The following TLE1 variants were observed in gnomAD, a reference collection of about 807,000 sequenced individuals.
TLE1 encodes the protein transducin-like enhancer protein 1.
In TLE1, 21 loss-of-function variants were observed where a neutral mutation model predicts 89.8. That is an observed-to-expected ratio of 0.23 (90% CI 0.17 to 0.34). The LOEUF (loss-of-function observed/expected upper bound fraction) is 0.34. Among genes scored for constraint, TLE1 ranks in the 10% least tolerant of loss-of-function variants. The pLI is 1.00. For missense variants in TLE1, 795 were observed against 1,031.2 expected, an observed-to-expected ratio of 0.77 and a Z score of 3.14; for synonymous variants, 447 against 407.6, an observed-to-expected ratio of 1.10 and a Z score of -1.16.
chr9:81,600,092 A>C, intron 14 of TLE1: 1 of 745,100 alleles, frequency 1.3e-6, no homozygotes, highest in Non-Finnish European at 2.5e-6. Context: ...AAACTTCTCA[A>C]TGTGCTGGGG....
At chr9:81,657,307 C>A (rs1341068749) in intron 4 of TLE1, among the ~76,000 whole-genome samples, 1 of 152,102 alleles carries the variant, frequency 6.6e-6, no homozygotes. Context: ...TTTATGTGGT[C>A]AAATGAAAGC....
intron 6 of TLE1, among the ~76,000 whole-genome samples, chr9:81,634,630 G>A (rs1014149069): frequency 1.4e-4 from 21 of 152,130 alleles, no homozygotes; most frequent in African/African-American, 5.1e-4. Flanking sequence ...AAGCAAGGCT[G>A]GCTACATCAG....
intron 14 of TLE1, 78 bp from the exon 15 acceptor site, chr9:81,593,352 G>A (rs760346780): frequency 7.6e-6 from 11 of 1,455,174 alleles, no homozygotes; most frequent in East Asian, 2.5e-5. Flanking sequence ...AATGTGCTAC[G>A]ACTATGAAAA....
At chr9:81,628,433 C>T (rs891019715) in intron 8 of TLE1, among the ~76,000 whole-genome samples, 19 of 151,640 alleles carry the variant, frequency 1.3e-4, no homozygotes, top group African/African-American at 4.4e-4. Context: ...CGTGATTTTT[C>T]TTTTTTTTTC....
chr9:81,661,650 T>C (rs751061736), intron 4 of TLE1, among the ~76,000 whole-genome samples: 12 of 151,986 alleles, frequency 7.9e-5, no homozygotes, highest in African/African-American at 1.5e-4. Context: ...TGGCAACAGA[T>C]ACATGGGCAA....
intron 4 of TLE1, among the ~76,000 whole-genome samples, chr9:81,661,398 T>C (rs765152012): frequency 6.6e-5 from 10 of 151,956 alleles, no homozygotes; most frequent in Non-Finnish European, 1.5e-4. Context: ...TGAGTGCTGT[T>C]TGAAGCTCAA....
chr9:81,660,482 C>T (rs1039461911), intron 4 of TLE1, among the ~76,000 whole-genome samples: 3 of 151,836 alleles, frequency 2.0e-5, no homozygotes, highest in South Asian at 2.1e-4. Context: ...GGCGCGATCT[C>T]GGCTCACTGC....
At chr9:81,648,361 G>A (rs1158538631) in intron 6 of TLE1, among the ~76,000 whole-genome samples, 1 of 151,424 alleles carries the variant, frequency 6.6e-6, no homozygotes. Context: ...TTCTTTAGGA[G>A]AAGGGGAAAA....
intron 1 of TLE1, 38 bp from the exon 2 acceptor site, chr9:81,687,472 T>C (rs756574404): frequency 2.0e-6 from 3 of 1,503,926 alleles, no homozygotes; most frequent in Non-Finnish European, 2.7e-6. Flanking sequence ...GGGACGGGAA[T>C]GCGGGCGGAT....
intron 14 of TLE1, among the ~76,000 whole-genome samples, chr9:81,595,138 T>C (rs1830018347): frequency 1.3e-5 from 2 of 152,122 alleles, no homozygotes; most frequent in African/African-American, 4.8e-5. Context: ...ATAAAAACAA[T>C]ATAGCTCAAA....
intron 9 of TLE1, 75 bp downstream of exon 9, chr9:81,620,366 G>C: frequency 8.9e-7 from 1 of 1,128,734 alleles, no homozygotes. Flanking sequence ...TTATCACTAA[G>C]ATCTTAGAAT....
chr9:81,652,502 C>A lies in TLE1; in HGVS notation c.298-214G>T, dbSNP rs146511815. Among the ~76,000 whole-genome samples the A allele has an allele frequency of 4.6e-5, 7 of 152,202 alleles. No homozygotes were observed. The South Asian group carries it at 1.5e-3, about 32-fold the overall frequency. On this transcript the variant is annotated intron_variant, in intron 5 of 19. Coordinates refer to ENST00000376499, the MANE Select transcript of TLE1 (RefSeq NM_005077.5). ...CTTTATTTCTAAACAACACCAGTCA[C>A]TACTTCTGGCTGTAAATTTCGGCTT...
intron 2 of TLE1, among the ~76,000 whole-genome samples, chr9:81,686,314 ATC>A (rs1181670155): frequency 6.6e-6 from 1 of 152,164 alleles, no homozygotes; most frequent in Non-Finnish European, 1.5e-5. Context: ...TGAAAATCCT[ATC>A]TGTTAAGTTA....
chr9:81,614,203 A>C (rs1016511970), intron 11 of TLE1, among the ~76,000 whole-genome samples: 9 of 151,978 alleles, frequency 5.9e-5, no homozygotes, highest in Non-Finnish European at 1.2e-4. Context: ...CCACCGCGCC[A>C]GGCCAGAAGA....
At chr9:81,677,564 C>CAAA (rs60091510) in intron 4 of TLE1, among the ~76,000 whole-genome samples, 6 of 85,538 alleles carry the variant, frequency 7.0e-5, no homozygotes, top group Admixed American at 2.7e-4. Flanking sequence ...GACTCCATCT[C>CAAA]AAAAAAAAAA....
At chr9:81,628,663 T>TA (rs1366977089) in intron 8 of TLE1, among the ~76,000 whole-genome samples, 7 of 152,178 alleles carry the variant, frequency 4.6e-5, no homozygotes, top group Non-Finnish European at 1.0e-4. Flanking sequence ...TTGTCATAAT[T>TA]ATCTCTAGGC....
intron 2 of TLE1, among the ~76,000 whole-genome samples, chr9:81,686,872 G>T (rs552923280): frequency 2.6e-5 from 4 of 152,098 alleles, no homozygotes; most frequent in Non-Finnish European, 5.9e-5. Flanking sequence ...CACCAATGAT[G>T]GGCAATGTTA....
intron 6 of TLE1, among the ~76,000 whole-genome samples, chr9:81,639,712 T>C (rs992544631): frequency 6.6e-6 from 1 of 151,346 alleles, no homozygotes; most frequent in African/African-American, 2.4e-5. Flanking sequence ...GCCTCCACAG[T>C]AGCTGGGATT....
intron 14 of TLE1, among the ~76,000 whole-genome samples, chr9:81,595,128 A>G (rs565693362): frequency 6.6e-6 from 1 of 152,318 alleles, no homozygotes; most frequent in South Asian, 2.1e-4. Flanking sequence ...AAATACACAT[A>G]TAAAAACAAT....
Sources: allele counts gnomAD v4.1 joint callset (sites outside exome capture counted in the v4.1 genomes callset), GRCh38; gene constraint gnomAD v4.1.1; transcripts MANE v1.5; gene names NCBI Gene and HGNC (gene_info 2026-07-23, HGNC 2026-07-21).